The following CNTN3 variants were observed in gnomAD, a reference collection of about 807,000 sequenced individuals.
The protein encoded by CNTN3 is contactin 3, also known as contactin-3.
In CNTN3, 60 loss-of-function variants were observed where a neutral mutation model predicts 119.1. The observed-to-expected ratio is 0.50, with a 90% CI of 0.41 to 0.62. The LOEUF (loss-of-function observed/expected upper bound fraction) is 0.62, where lower values mean the gene tolerates loss of function less well. CNTN3 is among the 20% of genes least tolerant of loss of function. CNTN3 has a pLI of 0.00. For missense variants in CNTN3, 1,101 were observed against 1,242.4 expected (o/e 0.89, Z 1.71); for synonymous variants, 450 against 438.7 (o/e 1.03, Z -0.32).
intron 4 of CNTN3, among the ~76,000 whole-genome samples, chr3:74,460,772 CATATATATATAT>C (rs71129755): frequency 0.11 from 10,083 of 88,130 alleles, 804 homozygotes; most frequent in Non-Finnish European, 0.15. Context: ...TTCTTATTTT[CATATATATATAT>C]ATATATATAT....
At chr3:74,534,752 G>C (rs961268384) in intron 1 of CNTN3, among the ~76,000 whole-genome samples, 17 of 152,018 alleles carry the variant, frequency 1.1e-4, no homozygotes, top group Admixed American at 9.2e-4. Flanking sequence ...ATGACTTACA[G>C]TTAAGTATGA....
At chr3:74,300,924 G>A (rs963815241) in intron 16 of CNTN3, among the ~76,000 whole-genome samples, 1 of 152,114 alleles carries the variant, frequency 6.6e-6, no homozygotes, top group African/African-American at 2.4e-5. Flanking sequence ...TCCTATCAAT[G>A]ATTTTTTCTT....
At chr3:74,284,250 G>A (rs1702067163) in intron 20 of CNTN3, among the ~76,000 whole-genome samples, 1 of 152,024 alleles carries the variant, frequency 6.6e-6, no homozygotes, top group Admixed American at 6.6e-5. Flanking sequence ...GAAATGATAT[G>A]GAAACAGAAA....
chr3:74,522,820 A>G (rs1009924484), intron 1 of CNTN3, among the ~76,000 whole-genome samples: 4 of 151,830 alleles, frequency 2.6e-5, no homozygotes, highest in African/African-American at 9.7e-5. Context: ...GCTAGCTATT[A>G]AAAGTGGTGT....
intron 11 of CNTN3, among the ~76,000 whole-genome samples, chr3:74,358,293 T>C (rs1204138539): frequency 6.6e-6 from 1 of 152,112 alleles, no homozygotes; most frequent in Non-Finnish European, 1.5e-5. Flanking sequence ...ATTAGAAATA[T>C]ATCATACAAA....
intron 4 of CNTN3, among the ~76,000 whole-genome samples, chr3:74,460,272 T>C (rs1702340944): frequency 6.6e-6 from 1 of 151,920 alleles, no homozygotes; most frequent in Admixed American, 6.6e-5. Flanking sequence ...TTAGAATAAG[T>C]TTTTTATATC....
intron 1 of CNTN3, among the ~76,000 whole-genome samples, chr3:74,538,166 A>T (rs1245968877): frequency 6.6e-6 from 1 of 152,098 alleles, no homozygotes. Context: ...TGAGCTGATG[A>T]GTTGCATTTG....
intron 13 of CNTN3, among the ~76,000 whole-genome samples, chr3:74,317,293 C>G (rs1101685): frequency 6.8e-6 from 1 of 146,348 alleles, no homozygotes; most frequent in Non-Finnish European, 1.5e-5. Context: ...CTTTATCCAA[C>G]TTGCCAGTCT....
In CNTN3 at chr3:74,486,588, G is replaced by A. The variant is rs745699942; in HGVS notation, c.226C>T (p.Arg76Cys). ...GSDIDMSMEH[R>C]YKLNGGNLVV... ...AGATTTCCTCCATTCAACTTATAAC[G>A]ATGTTCCATACTCATATCAATATCA... Residue 76 changes from arginine (R) to cysteine (C), a missense_variant, in exon 4 of 23, where the codon CGT (arginine) becomes TGT (cysteine). Physicochemically the swap from Arg to Cys is radical, Grantham distance 180. Coordinates refer to ENST00000263665, the MANE Select transcript of CNTN3 (RefSeq NM_020872.3). 2.5e-6 allele frequency: 4 copies of A among 1,607,566 alleles called. No homozygotes were observed. Among genetic ancestry groups the A allele is most frequent in the Non-Finnish European group, 3.4e-6 (4 of 1,178,458 alleles).
At chr3:74,514,190 T>G (rs1703414416) in intron 2 of CNTN3, among the ~76,000 whole-genome samples, 2 of 152,128 alleles carry the variant, frequency 1.3e-5, no homozygotes, top group Admixed American at 6.6e-5. Context: ...GATACAAAAT[T>G]GGACAACTGA....
chr3:74,269,388 T>C (rs1272139758), intron 20 of CNTN3, among the ~76,000 whole-genome samples: 1 of 152,090 alleles, frequency 6.6e-6, no homozygotes, highest in African/African-American at 2.4e-5. Flanking sequence ...ATGACAATAT[T>C]TGGGAAATTT....
chr3:74,611,704 C>T (rs1705084612), intron 1 of CNTN3, among the ~76,000 whole-genome samples: 1 of 152,052 alleles, frequency 6.6e-6, no homozygotes, highest in Non-Finnish European at 1.5e-5. Context: ...AAACTGTCCA[C>T]CAGCATTAAG....
chr3:74,552,951 T>C (rs1225014972), intron 1 of CNTN3, among the ~76,000 whole-genome samples: 1 of 152,182 alleles, frequency 6.6e-6, no homozygotes, highest in African/African-American at 2.4e-5. Flanking sequence ...CTTTTTTTAA[T>C]TGTACTTTAA....
chr3:74,441,556 T>G (rs1701966891), intron 4 of CNTN3, among the ~76,000 whole-genome samples: 1 of 152,140 alleles, frequency 6.6e-6, no homozygotes, highest in Non-Finnish European at 1.5e-5. Context: ...CTTTGGTACT[T>G]AAGAAGCCCT....
At chr3:74,453,766 G>A (rs1024642818) in intron 4 of CNTN3, among the ~76,000 whole-genome samples, 3 of 151,076 alleles carry the variant, frequency 2.0e-5, no homozygotes, top group Non-Finnish European at 3.0e-5. Context: ...CCTTCATTTC[G>A]TTATGTACCC....
intron 17 of CNTN3, among the ~76,000 whole-genome samples, chr3:74,299,161 T>C (rs542777632): frequency 8.5e-5 from 13 of 152,094 alleles, no homozygotes; most frequent in East Asian, 3.9e-4. Context: ...TGAGCCAAGA[T>C]TGCACCACTG....
intron 3 of CNTN3, among the ~76,000 whole-genome samples, chr3:74,495,775 T>C (rs1266498205): frequency 6.6e-6 from 1 of 152,062 alleles, no homozygotes; most frequent in East Asian, 1.9e-4. Flanking sequence ...TAAGGGCAAC[T>C]GTGGCCAGGA....
intron 2 of CNTN3, among the ~76,000 whole-genome samples, chr3:74,511,323 C>T (rs185359313): frequency 5.3e-5 from 8 of 152,184 alleles, no homozygotes; most frequent in Non-Finnish European, 1.0e-4. Flanking sequence ...AAGAAATTCA[C>T]ATATAATTAC....
At chr3:74,283,675 T>A (rs1336308478) in intron 20 of CNTN3, among the ~76,000 whole-genome samples, 1 of 152,190 alleles carries the variant, frequency 6.6e-6, no homozygotes, top group African/African-American at 2.4e-5. Flanking sequence ...TTTGTTTGCA[T>A]ATATTTTTGC....
Sources: allele counts gnomAD v4.1 joint callset (sites outside exome capture counted in the v4.1 genomes callset), GRCh38; gene constraint gnomAD v4.1.1; transcripts MANE v1.5; gene names NCBI Gene and HGNC (gene_info 2026-07-23, HGNC 2026-07-21).